The following GZMK variants were observed in gnomAD, a reference collection of about 807,000 sequenced individuals.
GZMK encodes NK-Tryp-2.
In GZMK, 18 loss-of-function variants were observed where a neutral mutation model predicts 22.8. That is an observed-to-expected ratio of 0.79 (90% CI 0.54 to 1.17). The LOEUF (loss-of-function observed/expected upper bound fraction) is 1.17. GZMK is among the 50% of genes most tolerant of loss of function. GZMK has a pLI of 0.00. For synonymous variants in GZMK, 136 were observed against 115.0 expected (o/e 1.18, Z -1.17); for missense variants, 342 against 320.2 (o/e 1.07, Z -0.52).
intron 2 of GZMK, 95 bp from the exon 3 acceptor site, chr5:55,030,339 G>A: frequency 8.8e-7 from 1 of 1,136,116 alleles, no homozygotes; most frequent in South Asian, 1.5e-5. Flanking sequence ...GATAGCCCTT[G>A]TTTCTCTGTG....
rs1561258595 is a variant in GZMK at position 55,031,346 on chromosome 5, C to T, written c.364-18C>T. 2.0e-5 allele frequency: 32 copies of T among 1,605,034 alleles called. No homozygotes were observed. The highest frequency in any genetic ancestry group is 2.7e-5 in the Non-Finnish European group (32 of 1,172,760). The stretch of plus-strand genomic sequence containing the variant: ...ACTACTGGGAAAGAAATAATTCCAT[C>T]TTTTTTCAATCTGTCAGCTTCAAAC... On this transcript the variant is annotated intron_variant, in intron 3 of 4. Coordinates refer to ENST00000231009, the MANE Select transcript of GZMK (RefSeq NM_002104.3).
At chr5:55,029,970 A>G (rs986334840) in intron 2 of GZMK, among the ~76,000 whole-genome samples, 1 of 152,214 alleles carries the variant, frequency 6.6e-6, no homozygotes, top group Non-Finnish European at 1.5e-5. Flanking sequence ...CAAACTGTAC[A>G]TTAAAGAATG....
chr5:55,029,320 G>A lies in GZMK; in HGVS notation c.213-1114G>A, dbSNP rs529851810. ...CAGTTCGTATCCTCTAAATCTCCCC[G>A]ATGGAATGGCTACTAACCTTAAAGT... is the stretch of plus-strand genomic sequence containing the variant. On this transcript the variant is annotated intron_variant, in intron 2 of 4. Coordinates refer to ENST00000231009, the MANE Select transcript of GZMK (RefSeq NM_002104.3). 6.3e-4 allele frequency among the ~76,000 whole-genome samples: 95 copies of A among 151,982 alleles called. 1 individual carries two copies. The highest frequency in any genetic ancestry group is 1.9e-3 in the South Asian group (9 of 4,790).
chr5:55,027,086 C>T (rs1339835526), intron 2 of GZMK: 1 of 152,166 alleles, frequency 6.6e-6, no homozygotes, highest in Non-Finnish European at 1.5e-5. Flanking sequence ...GGCAAAGGTC[C>T]TCAAGTTTAT....
rs897264718 is a variant in GZMK at position 55,034,019 on chromosome 5, G to A, written c.*93G>A. 2.2e-6 allele frequency: 2 copies of A among 902,330 alleles called. No homozygotes were observed. The highest frequency in any genetic ancestry group is 2.0e-5 in the South Asian group (1 of 49,626). 55.9% of individuals were successfully genotyped at this position (902,330 alleles called of 1,614,324 possible). ...TGTAAGTAAAGCAGAGCACATATGG[G>A]GTCCATTTTTGCACTTGTAAGTCAT... On this transcript the variant is annotated 3_prime_UTR_variant, in exon 5 of 5. Coordinates refer to ENST00000231009, the MANE Select transcript of GZMK (RefSeq NM_002104.3).
chr5:55,031,644 C>G lies in GZMK; in HGVS notation c.633+11C>G. 1 of 1,607,894 alleles carries G rather than the reference C, an allele frequency of 6.2e-7. No individual in the cohort carries two copies. Among genetic ancestry groups the G allele is most frequent in the Non-Finnish European group, 8.5e-7 (1 of 1,175,506 alleles). Reference sequence around the variant, plus strand: ...AAGGATTCCTGTAAGGTAAGAATCTCTCTTTCAAACAGGCATCTTGGAGCG... The same window carrying G: ...AAGGATTCCTGTAAGGTAAGAATCTGTCTTTCAAACAGGCATCTTGGAGCG... On this transcript the variant is annotated intron_variant, in intron 4 of 4. Coordinates refer to ENST00000231009, the MANE Select transcript of GZMK (RefSeq NM_002104.3).
chr5:55,031,335 A>C (rs766175872), intron 3 of GZMK, 29 bp from the exon 4 acceptor site: 3 of 1,600,044 alleles, frequency 1.9e-6, no homozygotes, highest in Non-Finnish European at 2.6e-6. Flanking sequence ...CTGGGAAAGA[A>C]ATAATTCCAT....
chr5:55,026,929 AGTTGT>A (rs1255142732), intron 2 of GZMK: 1 of 152,106 alleles, frequency 6.6e-6, no homozygotes, highest in East Asian at 1.9e-4. Flanking sequence ...CTGCCTAGCA[AGTTGT>A]TAGATGGAAC....
chr5:55,027,107 G>C (rs1741152837), intron 2 of GZMK: 2 of 152,164 alleles, frequency 1.3e-5, no homozygotes, highest in South Asian at 4.1e-4. Context: ...TCGTTTACCT[G>C]AACCTCAATT....
Position 55,033,782 on chromosome 5 carries a change from C to T in GZMK, c.651C>T (p.Pro217=). The stretch of plus-strand genomic sequence containing the variant: ...CCTTCCAGGGTGACTCAGGGGGCCC[C>T]TTGATCTGTAAAGGTGTCTTCCACG... The part of the protein sequence containing the change: ...KDSCKGDSGG[P]LICKGVFHAI... The change falls in exon 5 of 5, where the codon CCC becomes CCT. Residue 217 remains proline (P), a synonymous_variant. Transcript: ENST00000231009. The T allele has an allele frequency of 1.9e-6, 3 of 1,607,534 alleles. No homozygotes were observed. In the South Asian group the frequency reaches 3.4e-5, roughly 18 times the overall value.
Position 55,024,655 on chromosome 5 carries a change from T to C in GZMK, c.65-5T>C. The C allele has an allele frequency of 6.3e-7, 1 of 1,597,038 alleles. No homozygotes were observed. Among genetic ancestry groups the C allele is most frequent in the Non-Finnish European group, 8.6e-7 (1 of 1,166,482 alleles). On this transcript the variant is annotated splice_region_variant and splice_polypyrimidine_tract_variant and intron_variant, in intron 1 of 4. Coordinates refer to ENST00000231009, the MANE Select transcript of GZMK (RefSeq NM_002104.3). Reference sequence around the variant, plus strand: ...TGTGTGAAACCTTTTGGTCTACTTTTGTAGGTTTCAATATGGAAATTATTG... The same window carrying C: ...TGTGTGAAACCTTTTGGTCTACTTTCGTAGGTTTCAATATGGAAATTATTG...
At chr5:55,030,413 C>G (rs762857653) in intron 2 of GZMK, 21 bp from the exon 3 acceptor site, 2 of 1,611,706 alleles carry the variant, frequency 1.2e-6, no homozygotes, top group African/African-American at 1.3e-5. Context: ...CTGCTGCTTT[C>G]ATTGTCTTTG....
chr5:55,033,976 T>C lies in GZMK; in HGVS notation c.*50T>C, dbSNP rs1439880521. 6.7e-7 allele frequency: 1 copy of C among 1,491,762 alleles called. No homozygotes were observed. Among genetic ancestry groups the C allele is most frequent in the East Asian group, 2.3e-5 (1 of 44,168 alleles). The allele number at this position is 1,491,762 out of a possible 1,614,324, so 92.4% of individuals were successfully genotyped here. ...ACTTGCTTCTTTTTTCCTAATATGCTCGCAGGTTAGAGTTGGGTGTAAGTA... is the reference window on the plus strand; with the variant it reads ...ACTTGCTTCTTTTTTCCTAATATGCCCGCAGGTTAGAGTTGGGTGTAAGTA... On this transcript the variant is annotated 3_prime_UTR_variant, in exon 5 of 5. Coordinates refer to ENST00000231009, the MANE Select transcript of GZMK (RefSeq NM_002104.3).
At chr5:55,029,549 TG>T (rs1554044618) in intron 2 of GZMK, among the ~76,000 whole-genome samples, 1 of 51,608 alleles carries the variant, frequency 1.9e-5, no homozygotes, top group Non-Finnish European at 3.1e-5. Context: ...GGTTTTTGTT[TG>T]TTTGTTTGTT....
intron 2 of GZMK, chr5:55,028,525 C>T (rs982620810): frequency 7.3e-6 from 1 of 137,836 alleles, no homozygotes; most frequent in African/African-American, 3.0e-5. Flanking sequence ...CTGCCATAAG[C>T]AAACCCACTC....
chr5:55,033,371 C>T (rs1370998287), intron 4 of GZMK, among the ~76,000 whole-genome samples: 1 of 152,146 alleles, frequency 6.6e-6, no homozygotes, highest in African/African-American at 2.4e-5. Context: ...ATGAAATCTA[C>T]AATTTTAAAA....
intron 2 of GZMK, 103 bp from the exon 3 acceptor site, chr5:55,030,331 T>C: frequency 2.9e-6 from 3 of 1,018,402 alleles, no homozygotes; most frequent in Non-Finnish European, 4.4e-6. Context: ...ACCTTGGAGA[T>C]AGCCCTTGTT....
chr5:55,024,401 T>A lies in GZMK; in HGVS notation c.64+15T>A, dbSNP rs1397213910. The stretch of plus-strand genomic sequence containing the variant: ...GACTCATGTGTGTAAGTATCTCCTA[T>A]ATCTACATGTAAACATTAAATGAAT... On this transcript the variant is annotated intron_variant, in intron 1 of 4. Coordinates refer to ENST00000231009, the MANE Select transcript of GZMK (RefSeq NM_002104.3). 2 of 1,147,956 alleles carry A rather than the reference T, an allele frequency of 1.7e-6. No individual in the cohort carries two copies. Among genetic ancestry groups the A allele is most frequent in the Non-Finnish European group, 2.6e-6 (2 of 765,576 alleles). 71.1% of individuals were successfully genotyped at this position (1,147,956 alleles called of 1,614,324 possible). A position where few individuals can be genotyped will look rare whatever the true frequency, so the allele number is the denominator to read the frequency against.
At chr5:55,025,054 G>A in intron 2 of GZMK, 1 of 316,462 alleles carries the variant, frequency 3.2e-6, no homozygotes, top group Non-Finnish European at 5.8e-6. Context: ...GTATAATGCA[G>A]GGAACACAGC....
Sources: gnomAD v4.1 joint callset for allele counts (sites outside exome capture counted in the v4.1 genomes callset) on GRCh38, gnomAD v4.1.1 for gene constraint, MANE v1.5 for transcripts, NCBI Gene and HGNC (gene_info 2026-07-23, HGNC 2026-07-21) for gene names.